UBE2E2: variants seen among roughly 807,000 people sequenced by gnomAD.
The protein encoded by UBE2E2 is ubiquitin conjugating enzyme E2 E2, also known as ubiquitin-conjugating enzyme E2 E2.
A neutral mutation model predicts 24.7 loss-of-function variants in UBE2E2; 6 were observed. The observed-to-expected ratio is 0.24, with a 90% CI of 0.13 to 0.48. UBE2E2 has a LOEUF of 0.48. Ranked by LOEUF, UBE2E2 falls within the 20% of genes least tolerant of loss-of-function variation. The pLI, the probability that UBE2E2 is intolerant of heterozygous loss-of-function variation, is 0.99. For missense variants in UBE2E2, 169 were observed against 245.0 expected, an observed-to-expected ratio of 0.69 and a Z score of 2.07; for synonymous variants, 104 against 83.6, an observed-to-expected ratio of 1.24 and a Z score of -1.33.
chr3:23,254,275 T>G (rs1221222398), intron 3 of UBE2E2, among the ~76,000 whole-genome samples: 1 of 152,240 alleles, frequency 6.6e-6, no homozygotes, highest in Non-Finnish European at 1.5e-5. Flanking sequence ...TTATTAAATA[T>G]GCCAACTGAT....
At chr3:23,471,478 T>G (rs1337675934) in intron 3 of UBE2E2, among the ~76,000 whole-genome samples, 1 of 152,128 alleles carries the variant, frequency 6.6e-6, no homozygotes, top group Non-Finnish European at 1.5e-5. Context: ...GGTTGATGGG[T>G]CCTGAGAAGA....
chr3:23,313,897 T>C (rs186769680), intron 3 of UBE2E2, among the ~76,000 whole-genome samples: 1 of 152,314 alleles, frequency 6.6e-6, no homozygotes, highest in Admixed American at 6.5e-5. Flanking sequence ...TTTTAATTTC[T>C]TGCTTTTAGT....
At chr3:23,473,861 A>G (rs554371806) in intron 3 of UBE2E2, among the ~76,000 whole-genome samples, 48 of 152,206 alleles carry the variant, frequency 3.2e-4, no homozygotes, top group Non-Finnish European at 5.6e-4. Context: ...GCAGCTATAA[A>G]CATGCATGTA....
intron 3 of UBE2E2, among the ~76,000 whole-genome samples, chr3:23,369,765 A>G (rs1452006024): frequency 6.6e-6 from 1 of 152,230 alleles, no homozygotes; most frequent in Non-Finnish European, 1.5e-5. Context: ...TACAGAAGAT[A>G]GAAACTTAAT....
At chr3:23,300,351 G>C (rs957509649) in intron 3 of UBE2E2, among the ~76,000 whole-genome samples, 2 of 152,066 alleles carry the variant, frequency 1.3e-5, no homozygotes, top group Admixed American at 1.3e-4. Flanking sequence ...TATTTTGCTC[G>C]ATAGTTGATG....
intron 3 of UBE2E2, among the ~76,000 whole-genome samples, chr3:23,349,296 C>A (rs963172271): frequency 1.3e-5 from 2 of 152,188 alleles, no homozygotes; most frequent in African/African-American, 4.8e-5. Context: ...CAGCTCCCAG[C>A]GTGAGTGACG....
chr3:23,577,441 G>A (rs1297560834), intron 5 of UBE2E2, among the ~76,000 whole-genome samples: 1 of 152,090 alleles, frequency 6.6e-6, no homozygotes, highest in Admixed American at 6.6e-5. Context: ...TCCAGCATAA[G>A]GCCGTAACTC....
chr3:23,214,912 A>G (rs929348625), intron 2 of UBE2E2, among the ~76,000 whole-genome samples: 4 of 151,686 alleles, frequency 2.6e-5, no homozygotes, highest in African/African-American at 9.7e-5. Context: ...TTTCTGTACA[A>G]CTCTTAATAA....
At chr3:23,373,796 T>C (rs1474987580) in intron 3 of UBE2E2, among the ~76,000 whole-genome samples, 1 of 152,168 alleles carries the variant, frequency 6.6e-6, no homozygotes, top group Non-Finnish European at 1.5e-5. Flanking sequence ...CCCCAGAAGT[T>C]TGGATGGTAA....
intron 3 of UBE2E2, among the ~76,000 whole-genome samples, chr3:23,484,931 T>C (rs887649395): frequency 2.0e-5 from 3 of 152,054 alleles, no homozygotes; most frequent in African/African-American, 7.2e-5. Flanking sequence ...GGAGCTACAG[T>C]TGAAGAAGAA....
At chr3:23,405,122 G>A (rs1383113399) in intron 3 of UBE2E2, among the ~76,000 whole-genome samples, 1 of 152,136 alleles carries the variant, frequency 6.6e-6, no homozygotes, top group Non-Finnish European at 1.5e-5. Flanking sequence ...ATATTTTTGG[G>A]TTTGCTTTCA....
At chr3:23,568,682 T>C (rs1477250160) in intron 5 of UBE2E2, among the ~76,000 whole-genome samples, 2 of 108,378 alleles carry the variant, frequency 1.8e-5, no homozygotes, top group African/African-American at 7.7e-5. Context: ...CATATATGTA[T>C]ACATATATAC....
intron 3 of UBE2E2, among the ~76,000 whole-genome samples, chr3:23,395,960 ATATTAATTATCCAAATTT>A (rs1242048755): frequency 6.6e-6 from 1 of 152,158 alleles, no homozygotes; most frequent in Non-Finnish European, 1.5e-5. Flanking sequence ...CTTTACCACC[ATATTAATTATCCAAATTT>A]TATTAATTTG....
intron 3 of UBE2E2, chr3:23,449,747 T>TA: frequency 1.9e-6 from 1 of 521,508 alleles, no homozygotes; most frequent in Non-Finnish European, 2.5e-6. Context: ...TTATCTCATA[T>TA]AATTCTGTTT....
chr3:23,292,482 T>G (rs530366660), intron 3 of UBE2E2, among the ~76,000 whole-genome samples: 1 of 152,156 alleles, frequency 6.6e-6, no homozygotes, highest in African/African-American at 2.4e-5. Context: ...TGACACTACA[T>G]AGGGCCCAAG....
chr3:23,280,444 G>C lies in UBE2E2; in HGVS notation c.227+63132G>C, dbSNP rs571729539. Among the ~76,000 whole-genome samples, 10 of 152,222 alleles carry C rather than the reference G, an allele frequency of 6.6e-5. No homozygotes were observed. The highest frequency in any genetic ancestry group is 3.3e-4 in the Admixed American group (5 of 15,290). Reference sequence around the variant, plus strand: ...GCCACTTTAACTGGAAAGTTTTGAGGGATTGTGAATGGTGCTAGAGGTGGC... The same window carrying C: ...GCCACTTTAACTGGAAAGTTTTGAGCGATTGTGAATGGTGCTAGAGGTGGC... On this transcript the variant is annotated intron_variant, in intron 3 of 5. Coordinates refer to ENST00000396703, the MANE Select transcript of UBE2E2 (RefSeq NM_152653.4). This position sits in a 1 kb window ranked among gnomAD's most constrained non-coding sequence, Gnocchi z 4.3.
intron 3 of UBE2E2, among the ~76,000 whole-genome samples, chr3:23,418,999 G>C (rs1295802284): frequency 6.6e-6 from 1 of 151,122 alleles, no homozygotes. Flanking sequence ...TGTTGGCCAG[G>C]CTTGACTGCT....
chr3:23,357,039 G>T (rs1695975975), intron 3 of UBE2E2, among the ~76,000 whole-genome samples: 2 of 152,340 alleles, frequency 1.3e-5, no homozygotes, highest in South Asian at 4.2e-4. Context: ...ATGGCAGGGA[G>T]GGGAGATTCT....
chr3:23,246,259 C>T (rs962118686), intron 3 of UBE2E2, among the ~76,000 whole-genome samples: 7 of 139,322 alleles, frequency 5.0e-5, no homozygotes, highest in African/African-American at 1.1e-4. Flanking sequence ...CTCGCTCTGT[C>T]GCCCAGGCTG....
Sources: gnomAD v4.1 joint callset for allele counts (sites outside exome capture counted in the v4.1 genomes callset) on GRCh38, gnomAD v4.1.1 for gene constraint, Gnocchi (gnomAD v3.1) non-coding constraint, MANE v1.5 for transcripts, NCBI Gene and HGNC (gene_info 2026-07-23, HGNC 2026-07-21) for gene names.